The following CALD1 variants were observed in gnomAD, a reference collection of about 807,000 sequenced individuals.
The protein encoded by CALD1 is caldesmon 1, also known as caldesmon.
Under a neutral mutation model 99.9 loss-of-function variants are expected in CALD1, and 33 were observed. The observed-to-expected ratio is 0.33, with a 90% CI of 0.25 to 0.44. The LOEUF (loss-of-function observed/expected upper bound fraction) is 0.44, where lower values mean the gene tolerates loss of function less well. CALD1 is among the 20% of genes least tolerant of loss of function. The pLI is 1.00. For missense variants in CALD1, 861 were observed against 962.1 expected (o/e 0.89, Z 1.39); for synonymous variants, 310 against 325.0 (o/e 0.95, Z 0.50).
intron 3 of CALD1, among the ~76,000 whole-genome samples, chr7:134,909,921 G>A (rs1803678751): frequency 6.6e-6 from 1 of 152,202 alleles, no homozygotes; most frequent in Admixed American, 6.5e-5. Flanking sequence ...GTGGTCAACA[G>A]TGTCAGAGCT....
At chr7:134,735,563 CTCTGTGTGTG>C in the CALD1 span, among the ~76,000 whole-genome samples, 83 of 138,280 alleles carry the variant, frequency 6.0e-4, no homozygotes, top group Admixed American at 1.9e-3. Flanking sequence ...CCCCACTACC[CTCTGTGTGTG>C]TGTGTGTGTG....
In CALD1 at chr7:134,840,433, C is replaced by T. The variant is rs144980554; in HGVS notation, c.-129-3451C>T. Among the ~76,000 whole-genome samples the T allele has an allele frequency of 7.2e-5, 11 of 152,274 alleles. No homozygotes were observed. The South Asian group carries it at 1.7e-3, about 23-fold the overall frequency. On this transcript the variant is annotated intron_variant, in intron 1 of 14. Transcript: ENST00000361675. ...TTCAACCTCTGGTTTGCTCCTTCTCCGTGGCTGAACTCTCCAAGTGTCCTA... is the reference window on the plus strand; with the variant it reads ...TTCAACCTCTGGTTTGCTCCTTCTCTGTGGCTGAACTCTCCAAGTGTCCTA...
chr7:134,955,221 C>T (rs909580677), intron 9 of CALD1, among the ~76,000 whole-genome samples: 11 of 152,110 alleles, frequency 7.2e-5, no homozygotes, highest in Non-Finnish European at 1.6e-4. Context: ...GAAATCCCAT[C>T]TCTACTGAAA....
At chr7:134,941,875 A>G (rs912646264) in intron 7 of CALD1, among the ~76,000 whole-genome samples, 4 of 152,156 alleles carry the variant, frequency 2.6e-5, no homozygotes, top group African/African-American at 9.7e-5. Flanking sequence ...TTTCCCCTCA[A>G]CATAATCCCT....
Position 134,783,821 on chromosome 7 carries a change from C to A in CALD1, c.-130+4072C>A, listed in dbSNP as rs1003251673. Among the ~76,000 whole-genome samples, 1 of 152,000 alleles carries A rather than the reference C, an allele frequency of 6.6e-6. No homozygotes were observed. The highest frequency in any genetic ancestry group is 2.4e-5 in the African/African-American group (1 of 41,362). ...GGATCAGAACATGAGTGGAGGTGTC[C>A]ATGATCTGGAAGGAAGAAAAGAGGG... On this transcript the variant is annotated intron_variant, in intron 1 of 14. Transcript: ENST00000361675. This position sits in a 1 kb window ranked among gnomAD's most constrained non-coding sequence, Gnocchi z 4.3.
At chr7:134,952,473 C>CTTTTT (rs747660510) in intron 9 of CALD1, among the ~76,000 whole-genome samples, 8 of 140,940 alleles carry the variant, frequency 5.7e-5, no homozygotes, top group Non-Finnish European at 7.8e-5. Flanking sequence ...TTCCCTTAGT[C>CTTTTT]TTTTTTTTTT....
In CALD1 at chr7:134,872,434, C is replaced by T. The variant is rs74802194; in HGVS notation, c.71+4630C>T. ...CTGTGCAACTTTTATGCCATTACCT[C>T]GTCCTTCCTTGTCTTCCATTTGGCT... On this transcript the variant is annotated intron_variant, in intron 3 of 14. Transcript: ENST00000361675. Among the ~76,000 whole-genome samples the T allele has an allele frequency of 7.5e-4, 114 of 151,682 alleles. 1 individual carries two copies. In the East Asian group the frequency reaches 0.02, roughly 26 times the overall value.
chr7:134,913,355 G>T (rs180816516), intron 3 of CALD1, among the ~76,000 whole-genome samples: 1 of 152,004 alleles, frequency 6.6e-6, no homozygotes, highest in Non-Finnish European at 1.5e-5. Flanking sequence ...TCACATTATC[G>T]ATTACAATGC....
At chr7:134,795,931 C>G (rs1298401255) in intron 1 of CALD1, among the ~76,000 whole-genome samples, 1 of 152,204 alleles carries the variant, frequency 6.6e-6, no homozygotes, top group East Asian at 1.9e-4. Context: ...CCACCTGTGT[C>G]TGAGTAACTG....
chr7:134,829,456 G>A (rs1438080271), intron 1 of CALD1, among the ~76,000 whole-genome samples: 1 of 152,124 alleles, frequency 6.6e-6, no homozygotes, highest in Non-Finnish European at 1.5e-5. Flanking sequence ...TTTAAGAAAG[G>A]TTAAGAATTA....
chr7:134,854,303 G>T (rs1800207148), intron 2 of CALD1, among the ~76,000 whole-genome samples: 2 of 152,282 alleles, frequency 1.3e-5, no homozygotes, highest in African/African-American at 4.8e-5. Flanking sequence ...CTTCCACAAT[G>T]GTTGAACTAA....
chr7:134,856,826 CAGAG>C (rs1393968317), intron 2 of CALD1, among the ~76,000 whole-genome samples: 1 of 152,162 alleles, frequency 6.6e-6, no homozygotes, highest in Non-Finnish European at 1.5e-5. Context: ...AGAGCTCAGC[CAGAG>C]AAACAGCCTT....
At chr7:134,909,622 G>A (rs1442336397) in intron 3 of CALD1, among the ~76,000 whole-genome samples, 2 of 152,168 alleles carry the variant, frequency 1.3e-5, no homozygotes, top group African/African-American at 4.8e-5. Flanking sequence ...GGTGGAAATT[G>A]CAGTGAGCCA....
chr7:134,898,056 C>G (rs2132570780), intron 3 of CALD1, among the ~76,000 whole-genome samples: 1 of 152,258 alleles, frequency 6.6e-6, no homozygotes, highest in East Asian at 1.9e-4. Context: ...TCCCGAGAAG[C>G]TGGGATTACA....
intron 2 of CALD1, among the ~76,000 whole-genome samples, chr7:134,855,717 T>C (rs1015529751): frequency 6.6e-6 from 1 of 152,264 alleles, no homozygotes; most frequent in African/African-American, 2.4e-5. Flanking sequence ...GGTTACTTAA[T>C]ACAAAATTGC....
intron 1 of CALD1, among the ~76,000 whole-genome samples, chr7:134,807,089 G>GT (rs11385370): frequency 0.31 from 47,114 of 152,042 alleles, 7,701 homozygotes; most frequent in African/African-American, 0.39. Flanking sequence ...TTGTATGCAA[G>GT]TGGAGAAGCA....
At chr7:134,844,156 A>C (rs1799757246) in intron 2 of CALD1, 185 bp downstream of exon 2, 1 of 151,652 alleles carries the variant, frequency 6.6e-6, no homozygotes, top group Admixed American at 6.6e-5. Flanking sequence ...GTTTTGAAGG[A>C]TCTATCAAGT....
At chr7:134,728,845 CTTTTTTTTTTTTT>C in the CALD1 span, among the ~76,000 whole-genome samples, 1 of 124,228 alleles carries the variant, frequency 8.0e-6, no homozygotes, top group Non-Finnish European at 1.7e-5. Context: ...TATACCTTTT[CTTTTTTTTTTTTT>C]TTTTTTTTTT....
intron 2 of CALD1, among the ~76,000 whole-genome samples, chr7:134,864,562 C>A (rs1443359101): frequency 6.6e-6 from 1 of 152,038 alleles, no homozygotes; most frequent in Admixed American, 6.5e-5. Flanking sequence ...TCACACCCAG[C>A]TAATTTTTTG....
Sources: allele counts gnomAD v4.1 joint callset (sites outside exome capture counted in the v4.1 genomes callset), GRCh38; gene constraint gnomAD v4.1.1; non-coding constraint Gnocchi (gnomAD v3.1); transcripts MANE v1.5; gene names NCBI Gene and HGNC (gene_info 2026-07-23, HGNC 2026-07-21).